The following MACROD1 variants were observed in gnomAD, a reference collection of about 807,000 sequenced individuals.
MACROD1 encodes the protein ADP-ribose glycohydrolase MACROD1.
In MACROD1, 31 loss-of-function variants were observed where a neutral mutation model predicts 41.4. That is an observed-to-expected ratio of 0.75 (90% CI 0.56 to 1.01). The LOEUF (loss-of-function observed/expected upper bound fraction) is 1.01, where lower values mean the gene tolerates loss of function less well. Among genes scored for constraint, MACROD1 ranks in the 50% least tolerant of loss-of-function variants. MACROD1 has a pLI of 0.00. For synonymous variants in MACROD1, 252 were observed against 203.4 expected, an observed-to-expected ratio of 1.24 and a Z score of -2.03; for missense variants, 473 against 460.0, an observed-to-expected ratio of 1.03 and a Z score of -0.26.
At chr11:64,118,343 C>A in intron 3 of MACROD1, 1 of 1,498,816 alleles carries the variant, frequency 6.7e-7, no homozygotes, top group Non-Finnish European at 8.9e-7. Flanking sequence ...CCTGGCGTGG[C>A]CATGTGGCTT....
chr11:64,116,595 G>T (rs1331251210), intron 3 of MACROD1: 1 of 1,614,188 alleles, frequency 6.2e-7, no homozygotes, highest in East Asian at 2.2e-5. Flanking sequence ...CAACGTGCAG[G>T]TCATCTACCT....
At chr11:64,045,717 C>G (rs768728807) in intron 3 of MACROD1, among the ~76,000 whole-genome samples, 1 of 152,352 alleles carries the variant, frequency 6.6e-6, no homozygotes, top group East Asian at 1.9e-4. Flanking sequence ...GCATAAGCCA[C>G]TGTACCCCTG....
intron 3 of MACROD1, among the ~76,000 whole-genome samples, chr11:64,135,692 G>C (rs1945322315): frequency 6.6e-6 from 1 of 152,230 alleles, no homozygotes; most frequent in Non-Finnish European, 1.5e-5. Context: ...TGCAGCTTGA[G>C]GGGAGCAGCG....
chr11:63,998,889 A>G lies in MACROD1; in HGVS notation c.974-17T>C, dbSNP rs1241180210. 7.5e-6 allele frequency: 12 copies of G among 1,595,724 alleles called. No homozygotes were observed. In the Admixed American group the frequency reaches 1.2e-4, roughly 16 times the overall value. ...AGCCTCAGGCTGGAAGGCAGAGGAC[A>G]GTGAGAGCCCGCCCCCAGGGTGGAC... On this transcript the variant is annotated splice_polypyrimidine_tract_variant and intron_variant, in intron 9 of 10. Coordinates refer to ENST00000255681, the MANE Select transcript of MACROD1 (RefSeq NM_014067.4).
chr11:64,150,791 T>G (rs115938969), intron 3 of MACROD1, among the ~76,000 whole-genome samples: 1 of 152,328 alleles, frequency 6.6e-6, no homozygotes, highest in African/African-American at 2.4e-5. Flanking sequence ...TCTGGAAAGC[T>G]GCCAGGGCAT....
chr11:64,089,567 C>T (rs1944454074), intron 3 of MACROD1, among the ~76,000 whole-genome samples: 1 of 152,228 alleles, frequency 6.6e-6, no homozygotes, highest in South Asian at 2.1e-4. Context: ...GGGTCGGCAG[C>T]CACGGACCAG....
chr11:64,087,706 G>A (rs1944419045), intron 3 of MACROD1, among the ~76,000 whole-genome samples: 1 of 152,216 alleles, frequency 6.6e-6, no homozygotes, highest in Non-Finnish European at 1.5e-5. Flanking sequence ...GATGCTGCAT[G>A]CTTGGCCTGG....
In MACROD1 at chr11:64,094,884, C is replaced by T. The variant is rs566861287; in HGVS notation, c.517+56355G>A. ...TTGGGGGGCCCAGGAGTGGATTTCG[C>T]CGAATGTCCCATCTGGGCCTGTGTC... On this transcript the variant is annotated intron_variant, in intron 3 of 10. Coordinates refer to ENST00000255681, the MANE Select transcript of MACROD1 (RefSeq NM_014067.4). Among the ~76,000 whole-genome samples the T allele has an allele frequency of 1.4e-4, 21 of 152,324 alleles. No homozygotes were observed. In the South Asian group the frequency reaches 4.1e-3, roughly 30 times the overall value.
At position 64,090,277 on chromosome 11, in the gene MACROD1, G is replaced by C. The variant is rs1047376719; in HGVS notation, c.517+60962C>G. 1.3e-5 allele frequency among the ~76,000 whole-genome samples: 2 copies of C among 152,186 alleles called. No homozygotes were observed. The highest frequency in any genetic ancestry group is 2.9e-5 in the Non-Finnish European group (2 of 68,026). ...TTTGCTCATCCTCGGGAAATGCATC[G>C]TGCGTTGCTTTTCCCGTCTGGGAGT... On this transcript the variant is annotated intron_variant, in intron 3 of 10. Transcript: ENST00000255681. This position sits in a 1 kb window ranked among gnomAD's most constrained non-coding sequence, Gnocchi z 4.7.
At chr11:64,000,944 C>T (rs1452234730) in intron 4 of MACROD1, among the ~76,000 whole-genome samples, 1 of 152,200 alleles carries the variant, frequency 6.6e-6, no homozygotes, top group Non-Finnish European at 1.5e-5. Flanking sequence ...TCCAGCCGCG[C>T]GGGGAGGTGA....
chr11:63,999,895 GC>G, intron 5 of MACROD1, 132 bp from the exon 6 acceptor site: 3 of 1,087,678 alleles, frequency 2.8e-6, no homozygotes, highest in Non-Finnish European at 3.9e-6. Context: ...CTCCGCGAAG[GC>G]CCCCACCCCT....
intron 5 of MACROD1, chr11:63,999,967 T>A: frequency 1.5e-6 from 1 of 675,308 alleles, no homozygotes; most frequent in Non-Finnish European, 2.5e-6. Context: ...TCCCCACATC[T>A]GTATGGGCCC....
chr11:64,117,792 A>G lies in MACROD1; in HGVS notation c.517+33447T>C, dbSNP rs748791536. Reference sequence around the variant, plus strand: ...GTCCACCTACATCATCTGCATGGTCACCATGGAGACCAGCAATGCCTACGT... The same window carrying G: ...GTCCACCTACATCATCTGCATGGTCGCCATGGAGACCAGCAATGCCTACGT... On this transcript the variant is annotated intron_variant, in intron 3 of 10. Transcript: ENST00000255681. 6.8e-6 allele frequency: 11 copies of G among 1,614,032 alleles called. No individual in the cohort carries two copies. The Middle Eastern group carries it at 6.6e-4, about 96-fold the overall frequency.
intron 3 of MACROD1, among the ~76,000 whole-genome samples, chr11:64,127,897 G>C (rs964084131): frequency 6.6e-6 from 1 of 152,152 alleles, no homozygotes; most frequent in Non-Finnish European, 1.5e-5. Flanking sequence ...CAAAGGGAGG[G>C]GGACAGGAAG....
chr11:64,046,701 G>A (rs1943590456), intron 3 of MACROD1, among the ~76,000 whole-genome samples: 1 of 152,066 alleles, frequency 6.6e-6, no homozygotes, highest in African/African-American at 2.4e-5. Flanking sequence ...GTTTCACCAT[G>A]TTGGTCAGGC....
At chr11:64,058,076 C>A (rs1177301316) in intron 3 of MACROD1, among the ~76,000 whole-genome samples, 1 of 152,252 alleles carries the variant, frequency 6.6e-6, no homozygotes, top group Non-Finnish European at 1.5e-5. Flanking sequence ...GCGCTAGGAA[C>A]AATTGCGAAC....
intron 4 of MACROD1, among the ~76,000 whole-genome samples, chr11:64,004,693 G>A (rs1202305967): frequency 6.6e-6 from 1 of 152,106 alleles, no homozygotes; most frequent in African/African-American, 2.4e-5. Flanking sequence ...TCCTGGCCAC[G>A]AGATTGCTGG....
intron 3 of MACROD1, among the ~76,000 whole-genome samples, chr11:64,048,589 C>G (rs1247774589): frequency 6.6e-6 from 1 of 152,200 alleles, no homozygotes; most frequent in Non-Finnish European, 1.5e-5. Flanking sequence ...GTCATGGCAG[C>G]AGGGGCTGCA....
At chr11:64,158,913 C>T (rs2134726464) in intron 1 of MACROD1, among the ~76,000 whole-genome samples, 2 of 152,220 alleles carry the variant, frequency 1.3e-5, no homozygotes, top group Non-Finnish European at 2.9e-5. Flanking sequence ...AGGACGGGCA[C>T]AGTGACTCAC....
Sources: allele counts gnomAD v4.1 joint callset (sites outside exome capture counted in the v4.1 genomes callset), GRCh38; gene constraint gnomAD v4.1.1; non-coding constraint Gnocchi (gnomAD v3.1); transcripts MANE v1.5; gene names NCBI Gene and HGNC (gene_info 2026-07-23, HGNC 2026-07-21).